Variants in ZNF808 observed in about 807,000 individuals in gnomAD.
ZNF808 encodes the protein zinc finger protein 808.
A neutral mutation model predicts 8.7 loss-of-function variants in ZNF808; 5 were observed. The ratio of observed to expected loss-of-function variants is 0.58; its 90% CI spans 0.30 to 1.21. ZNF808 has a LOEUF of 1.21. Ranked by LOEUF, ZNF808 falls within the 50% of genes most tolerant of loss-of-function variation. The pLI is 0.07. For missense variants in ZNF808, 1,103 were observed against 1,098.4 expected, an observed-to-expected ratio of 1.00 and a Z score of -0.06; for synonymous variants, 380 against 366.0, an observed-to-expected ratio of 1.04 and a Z score of -0.44.
chr19:52,550,060 G>C (rs569030330), intron 4 of ZNF808, among the ~76,000 whole-genome samples: 3 of 152,120 alleles, frequency 2.0e-5, no homozygotes, highest in African/African-American at 7.2e-5. Flanking sequence ...GTCATTTTCT[G>C]TACTGCCTGT....
chr19:52,555,808 A>T lies in ZNF808; in HGVS notation c.*180A>T, dbSNP rs909643639. On this transcript the variant is annotated 3_prime_UTR_variant, in exon 5 of 5. Coordinates refer to ENST00000359798, the MANE Select transcript of ZNF808 (RefSeq NM_001039886.4). ...AGAAACCTTACAAATGTCATGATTG[A>T]GGCAAGGTCTTCAGTCAAGCTTCAT... The T allele has an allele frequency of 5.0e-5, 48 of 956,252 alleles. No individual in the cohort carries two copies. The highest frequency in any genetic ancestry group is 3.6e-4 in the Admixed American group (18 of 50,504). 59.2% of individuals were successfully genotyped at this position (956,252 alleles called of 1,614,324 possible). A position where few individuals can be genotyped will look rare whatever the true frequency, so the allele number is the denominator to read the frequency against.
intron 1 of ZNF808, among the ~76,000 whole-genome samples, chr19:52,528,392 A>G (rs73934552): frequency 0.012 from 1,885 of 152,342 alleles, 39 homozygotes; most frequent in African/African-American, 0.043. Context: ...ATCAGGAGAC[A>G]GACAGCAGTA....
intron 3 of ZNF808, among the ~76,000 whole-genome samples, chr19:52,544,918 G>A (rs1183667434): frequency 6.6e-6 from 1 of 152,142 alleles, no homozygotes; most frequent in East Asian, 1.9e-4. Flanking sequence ...TGAGTATCTG[G>A]GATTACAGGC....
In ZNF808 at chr19:52,555,328, A is replaced by C. The variant is rs780720195; in HGVS notation, c.2412A>C (p.Ser804=). The C allele has an allele frequency of 6.2e-7, 1 of 1,614,102 alleles. No homozygotes were observed. The highest frequency in any genetic ancestry group is 1.3e-5 in the African/African-American group (1 of 74,936). The change falls in exon 5 of 5, where the codon TCA becomes TCC. Residue 804 remains serine (S), a synonymous_variant. Coordinates refer to ENST00000359798, the MANE Select transcript of ZNF808 (RefSeq NM_001039886.4). ...GTGACAAGGCTTTCGTGCGTAATTCATACCTGGCAAGACATATTAGAATTC... is the reference window on the plus strand; with the variant it reads ...GTGACAAGGCTTTCGTGCGTAATTCCTACCTGGCAAGACATATTAGAATTC... The part of the protein sequence containing the change: ...TVCDKAFVRN[S]YLARHIRIHT...
chr19:52,538,923 C>G (rs2059640700), intron 2 of ZNF808, among the ~76,000 whole-genome samples: 1 of 151,998 alleles, frequency 6.6e-6, no homozygotes, highest in South Asian at 2.1e-4. Context: ...ACTCCTGTGT[C>G]TAAGTGTGGT....
downstream of ZNF808, among the ~76,000 whole-genome samples, chr19:52,565,213 G>A (rs1033405532): frequency 1.3e-5 from 2 of 152,182 alleles, no homozygotes; most frequent in Non-Finnish European, 2.9e-5. Flanking sequence ...GGGAGGCGGA[G>A]GTTGCTGTGA....
At chr19:52,549,217 A>G (rs2059752035) in intron 4 of ZNF808, among the ~76,000 whole-genome samples, 1 of 151,848 alleles carries the variant, frequency 6.6e-6, no homozygotes, top group African/African-American at 2.4e-5. Flanking sequence ...TGACCTCCTG[A>G]TGCACCCGCT....
chr19:52,550,180 G>T (rs1383327178), intron 4 of ZNF808, among the ~76,000 whole-genome samples: 2 of 151,990 alleles, frequency 1.3e-5, no homozygotes, highest in African/African-American at 2.4e-5. Flanking sequence ...GAACACTGTG[G>T]GCCTCCTGTC....
chr19:52,535,957 CTG>C (rs2059606217), intron 2 of ZNF808: 1 of 123,778 alleles, frequency 8.1e-6, no homozygotes, highest in Admixed American at 7.6e-5. Context: ...CCCCGCCAAA[CTG>C]TTCGCCGGCC....
At chr19:52,540,178 A>G (rs79875112) in intron 2 of ZNF808, among the ~76,000 whole-genome samples, 1 of 151,828 alleles carries the variant, frequency 6.6e-6, no homozygotes, top group African/African-American at 2.4e-5. Context: ...TGCCCTGCTA[A>G]TGTTTGTATT....
At chr19:52,561,944 T>G (rs528629088) in intron 3 of ZNF808, among the ~76,000 whole-genome samples, 1 of 152,200 alleles carries the variant, frequency 6.6e-6, no homozygotes, top group Non-Finnish European at 1.5e-5. Context: ...TAATAAGATA[T>G]GTCAGCCTTC....
chr19:52,560,319 C>G (rs1020720411), downstream of ZNF808, among the ~76,000 whole-genome samples: 3 of 149,204 alleles, frequency 2.0e-5, no homozygotes, highest in African/African-American at 7.6e-5. Context: ...GAGTGACACT[C>G]CTTCTCAAAA....
At chr19:52,533,415 G>C (rs1344014674) in intron 2 of ZNF808, among the ~76,000 whole-genome samples, 6 of 151,782 alleles carry the variant, frequency 4.0e-5, no homozygotes, top group Admixed American at 6.6e-5. Flanking sequence ...TTGTAGAGAC[G>C]GGGTTTCACC....
chr19:52,538,783 AC>A (rs1423325947), intron 2 of ZNF808, among the ~76,000 whole-genome samples: 1 of 152,002 alleles, frequency 6.6e-6, no homozygotes, highest in Non-Finnish European at 1.5e-5. Context: ...ACGAAGAGGG[AC>A]CCTGGGTGCA....
intron 2 of ZNF808, chr19:52,536,005 C>A: frequency 1.2e-5 from 2 of 164,752 alleles, no homozygotes; most frequent in South Asian, 2.8e-4. Flanking sequence ...GGCGCGCAAA[C>A]CCCGAGGCGG....
intron 2 of ZNF808, among the ~76,000 whole-genome samples, chr19:52,533,699 C>T (rs561900262): frequency 6.0e-5 from 9 of 151,090 alleles, no homozygotes; most frequent in Non-Finnish European, 1.2e-4. Flanking sequence ...ACTAAAAATA[C>T]GAAGAAATTA....
intron 1 of ZNF808, among the ~76,000 whole-genome samples, chr19:52,532,286 C>T (rs1409925816): frequency 1.3e-5 from 2 of 151,496 alleles, no homozygotes; most frequent in African/African-American, 4.9e-5. Context: ...AGTGCAGTGG[C>T]ACAATCTTGG....
In ZNF808 at chr19:52,555,742, T is replaced by C; in HGVS notation, c.*114T>C. 1 of 1,456,986 alleles carries C rather than the reference T, an allele frequency of 6.9e-7. No individual in the cohort carries two copies. The highest frequency in any genetic ancestry group is 1.4e-5 in the African/African-American group (1 of 71,298). The allele number at this position is 1,456,986 out of a possible 1,614,324, so 90.3% of individuals were successfully genotyped here. On this transcript the variant is annotated 3_prime_UTR_variant, in exon 5 of 5. Coordinates refer to ENST00000359798, the MANE Select transcript of ZNF808 (RefSeq NM_001039886.4). ...ATAAATGTGGCATGTTTTTCAGACA[T>C]TGTTCATACATTGCAGTTCATTGGC... is the stretch of plus-strand genomic sequence containing the variant.
At chr19:52,557,933 T>C (rs1261958757), downstream of ZNF808, among the ~76,000 whole-genome samples, 3 of 149,864 alleles carry the variant, frequency 2.0e-5, no homozygotes, top group Admixed American at 6.7e-5. Flanking sequence ...AACTTGGCGA[T>C]GAGGGGCTTC....
Sources: gnomAD v4.1 joint callset for allele counts (sites outside exome capture counted in the v4.1 genomes callset) on GRCh38, gnomAD v4.1.1 for gene constraint, MANE v1.5 for transcripts, NCBI Gene and HGNC (gene_info 2026-07-23, HGNC 2026-07-21) for gene names.